Variants in CNST observed in about 807,000 individuals in gnomAD.
The protein encoded by CNST is consortin.
A neutral mutation model predicts 72.4 loss-of-function variants in CNST; 39 were observed. That is an observed-to-expected ratio of 0.54 (90% CI 0.42 to 0.70). The LOEUF is 0.70. Ranked by LOEUF, CNST falls within the 30% of genes least tolerant of loss-of-function variation. The pLI is 0.00. For missense variants in CNST, 871 were observed against 868.5 expected, an observed-to-expected ratio of 1.00 and a Z score of -0.04; for synonymous variants, 332 against 320.1, an observed-to-expected ratio of 1.04 and a Z score of -0.40.
chr1:246,650,716 C>T (rs1666400193), intron 9 of CNST, among the ~76,000 whole-genome samples: 1 of 132,858 alleles, frequency 7.5e-6, no homozygotes, highest in African/African-American at 2.9e-5. Flanking sequence ...CTCACTCTGT[C>T]GCCCAGGCTG....
chr1:246,591,783 G>A lies in CNST; in HGVS notation c.221G>A (p.Ser74Asn), dbSNP rs1661560815. 1.2e-6 allele frequency: 2 copies of A among 1,613,918 alleles called. No homozygotes were observed. Among genetic ancestry groups the A allele is most frequent in the African/African-American group, 1.3e-5 (1 of 74,892 alleles). ...CAGGACAGTCTCAATAATAATGAAAGCTGCACATTGAGCTGCGAGGTGGCT... is the reference window on the plus strand; with the variant it reads ...CAGGACAGTCTCAATAATAATGAAAACTGCACATTGAGCTGCGAGGTGGCT... ...SEQDSLNNNESCTLSCEVAAG... is the reference protein window; with the variant it reads ...SEQDSLNNNENCTLSCEVAAG... Residue 74 changes from serine (S) to asparagine (N), a missense_variant, in exon 2 of 11, where the codon AGC (serine) becomes AAC (asparagine). Coordinates refer to ENST00000366513, the MANE Select transcript of CNST (RefSeq NM_152609.3).
intron 6 of CNST, among the ~76,000 whole-genome samples, chr1:246,638,168 A>G (rs566604814): frequency 6.6e-6 from 1 of 152,298 alleles, no homozygotes; most frequent in South Asian, 2.1e-4. Flanking sequence ...TTGTTTGAGC[A>G]TGAGGAAGAA....
intron 2 of CNST, among the ~76,000 whole-genome samples, chr1:246,597,267 A>T (rs914644659): frequency 6.6e-6 from 1 of 152,206 alleles, no homozygotes; most frequent in African/African-American, 2.4e-5. Context: ...CATAAAATTC[A>T]CCTTTTTAAA....
chr1:246,662,294 C>G (rs1480498214), intron 10 of CNST, among the ~76,000 whole-genome samples: 1 of 152,184 alleles, frequency 6.6e-6, no homozygotes, highest in Non-Finnish European at 1.5e-5. Context: ...CCAATGCTAT[C>G]CCCTGGAAAT....
At chr1:246,614,084 T>A (rs1480337247) in intron 2 of CNST, among the ~76,000 whole-genome samples, 1 of 152,110 alleles carries the variant, frequency 6.6e-6, no homozygotes, top group African/African-American at 2.4e-5. Context: ...TGAACATCCC[T>A]TATCCAAAAT....
At chr1:246,634,951 T>TGGTGGGTGTCTTTCGGCCGG (rs201316654) in intron 6 of CNST, among the ~76,000 whole-genome samples, 1 of 80,622 alleles carries the variant, frequency 1.2e-5, no homozygotes, top group East Asian at 2.3e-4. Flanking sequence ...CTATCCTCGG[T>TGGTGGGTGTCTTTCGGCCGG]GGTGCGTGTC....
At chr1:246,639,953 C>A (rs1482117315) in intron 6 of CNST, among the ~76,000 whole-genome samples, 1 of 152,214 alleles carries the variant, frequency 6.6e-6, no homozygotes, top group African/African-American at 2.4e-5. Flanking sequence ...CTCAGGGATA[C>A]GTGTCTTCCG....
At position 246,651,158 on chromosome 1, in the gene CNST, G is replaced by A. The variant is rs566722637; in HGVS notation, c.1836+3121G>A. Among the ~76,000 whole-genome samples the A allele has an allele frequency of 5.3e-5, 8 of 151,970 alleles. No homozygotes were observed. The South Asian group carries it at 1.2e-3, about 24-fold the overall frequency. Reference sequence around the variant, plus strand: ...GAAATTTTTTTTTATGCTTCCTTCCGTTTGTGATTAGAGGATATAGAACAT... The same window carrying A: ...GAAATTTTTTTTTATGCTTCCTTCCATTTGTGATTAGAGGATATAGAACAT... On this transcript the variant is annotated intron_variant, in intron 9 of 10. Coordinates refer to ENST00000366513, the MANE Select transcript of CNST (RefSeq NM_152609.3).
intron 1 of CNST, among the ~76,000 whole-genome samples, chr1:246,573,210 C>T (rs1328536954): frequency 3.9e-5 from 6 of 152,286 alleles, no homozygotes; most frequent in South Asian, 2.1e-4. Context: ...TGGAGTTCTT[C>T]GGCATGCCAG....
In CNST at chr1:246,647,220, A is replaced by T. The variant is rs1255539889; in HGVS notation, c.1019A>T (p.His340Leu). 7 of 1,614,190 alleles carry T rather than the reference A, an allele frequency of 4.3e-6. No individual in the cohort carries two copies. In the South Asian group the frequency reaches 7.7e-5, roughly 18 times the overall value. ...CCCCTGGGGAGCAGTCCCTGCTGTC[A>T]TCAGATGGACGTGCAAACAGATTCC... is the stretch of plus-strand genomic sequence containing the variant. ...VEPLGSSPCC[H>L]QMDVQTDSPS... Residue 340 changes from histidine to leucine, a missense_variant, in exon 9 of 11, where the codon CAT (histidine) becomes CTT (leucine). Coordinates refer to ENST00000366513, the MANE Select transcript of CNST (RefSeq NM_152609.3).
intron 8 of CNST, among the ~76,000 whole-genome samples, chr1:246,645,331 G>C (rs1313530467): frequency 6.6e-6 from 1 of 151,238 alleles, no homozygotes; most frequent in East Asian, 1.9e-4. Context: ...TAAACAAATG[G>C]AATAAAATTA....
intron 8 of CNST, among the ~76,000 whole-genome samples, chr1:246,644,681 A>G (rs937013708): frequency 6.6e-6 from 1 of 152,200 alleles, no homozygotes; most frequent in African/African-American, 2.4e-5. Flanking sequence ...CTCAGGTGGA[A>G]GCAACACACC....
At chr1:246,647,090 A>G in intron 8 of CNST, 49 bp from the exon 9 acceptor site, 1 of 1,521,034 alleles carries the variant, frequency 6.6e-7, no homozygotes, top group Non-Finnish European at 8.9e-7. Context: ...TCCTTCCTAT[A>G]CAAAGTGTTG....
At chr1:246,577,326 T>G (rs750301857) in intron 1 of CNST, among the ~76,000 whole-genome samples, 11 of 152,016 alleles carry the variant, frequency 7.2e-5, no homozygotes, top group Admixed American at 1.3e-4. Flanking sequence ...CTTTATAGCC[T>G]CTTCCTACTG....
intron 2 of CNST, among the ~76,000 whole-genome samples, chr1:246,619,611 T>C (rs985700795): frequency 6.6e-6 from 1 of 152,224 alleles, no homozygotes; most frequent in African/African-American, 2.4e-5. Flanking sequence ...GCTCATGTTA[T>C]AGGGAAAGAT....
chr1:246,607,750 G>T (rs1213078950), intron 2 of CNST: 1 of 152,252 alleles, frequency 6.6e-6, no homozygotes, highest in Non-Finnish European at 1.5e-5. Flanking sequence ...AGTGTGCTTT[G>T]GGACTGGGCC....
At chr1:246,645,555 G>C (rs1385823666) in intron 8 of CNST, among the ~76,000 whole-genome samples, 1 of 150,832 alleles carries the variant, frequency 6.6e-6, no homozygotes, top group Non-Finnish European at 1.5e-5. Context: ...AGCCTCCCGA[G>C]TAGCTGGGAC....
At position 246,587,177 on chromosome 1, in the gene CNST, C is replaced by T. The variant is rs189890784; in HGVS notation, c.-51-4335C>T. ...TGGAGTCTTGCTATGTTGCGCAGGC[C>T]GGTCTGGTACTCCCAGGCTGAAGCA... On this transcript the variant is annotated intron_variant, in intron 1 of 10. Transcript: ENST00000366513. 1.8e-4 allele frequency among the ~76,000 whole-genome samples: 27 copies of T among 152,274 alleles called. No individual in the cohort carries two copies. The East Asian group carries it at 5.2e-3, about 29-fold the overall frequency.
At position 246,666,010 on chromosome 1, in the gene CNST, A is replaced by G; in HGVS notation, c.*105A>G. 1 of 773,570 alleles carries G rather than the reference A, an allele frequency of 1.3e-6. No homozygotes were observed. The highest frequency in any genetic ancestry group is 2.1e-6 in the Non-Finnish European group (1 of 487,538). 47.9% of individuals were successfully genotyped at this position (773,570 alleles called of 1,614,324 possible). ...TGTAGCATTCCCCCTTCCCTCTGTTAGGAACCAAGGACATCAGAAATAGCA... is the reference window on the plus strand; with the variant it reads ...TGTAGCATTCCCCCTTCCCTCTGTTGGGAACCAAGGACATCAGAAATAGCA... On this transcript the variant is annotated 3_prime_UTR_variant, in exon 11 of 11. Coordinates refer to ENST00000366513, the MANE Select transcript of CNST (RefSeq NM_152609.3).
Sources: allele counts gnomAD v4.1 joint callset (sites outside exome capture counted in the v4.1 genomes callset), GRCh38; gene constraint gnomAD v4.1.1; transcripts MANE v1.5; gene names NCBI Gene and HGNC (gene_info 2026-07-23, HGNC 2026-07-21).